The following TAF8 variants were observed in gnomAD, a reference collection of about 807,000 sequenced individuals.
TAF8 encodes transcription initiation factor TFIID subunit 8.
A neutral mutation model predicts 36.5 loss-of-function variants in TAF8; 47 were observed. That is an observed-to-expected ratio of 1.29 (90% CI 1.02 to 1.64). The LOEUF (loss-of-function observed/expected upper bound fraction) is 1.64. Among genes scored for constraint, TAF8 ranks in the 40% most tolerant of loss-of-function variants. The pLI is 0.00. For missense variants in TAF8, 420 were observed against 407.6 expected (o/e 1.03, Z -0.26); for synonymous variants, 175 against 159.5 (o/e 1.10, Z -0.73).
In TAF8 at chr6:42,078,347, CTGTT is replaced by C. The variant is rs1235292387; in HGVS notation, c.*806_*809del. ...GCTGCTGTGCTTATTACAAGGAAGA[CTGTT>C]TGTCCAGCGTGTATTTCAGGATATC... On this transcript the variant is annotated 3_prime_UTR_variant, in exon 9 of 9. Transcript: ENST00000372977. 2.1e-5 allele frequency: 21 copies of C among 985,304 alleles called. No homozygotes were observed. Among genetic ancestry groups the C allele is most frequent in the Non-Finnish European group, 2.5e-5 (21 of 829,926 alleles). The allele number at this position is 985,304 out of a possible 1,614,324, so 61.0% of individuals were successfully genotyped here.
intron 7 of TAF8, among the ~76,000 whole-genome samples, chr6:42,073,077 A>G (rs923479590): frequency 6.6e-6 from 1 of 152,216 alleles, no homozygotes; most frequent in Admixed American, 6.5e-5. Context: ...GCACCTCTCA[A>G]GGTCTGTTGT....
At chr6:42,055,749 T>C (rs919583379) in intron 3 of TAF8, 120 bp downstream of exon 3, 2 of 856,074 alleles carry the variant, frequency 2.3e-6, no homozygotes, top group African/African-American at 1.7e-5. Flanking sequence ...GCTTTGAGCT[T>C]GAGAGAGTTA....
downstream of TAF8, among the ~76,000 whole-genome samples, chr6:42,086,191 C>G (rs1365225937): frequency 6.6e-6 from 1 of 152,226 alleles, no homozygotes; most frequent in East Asian, 1.9e-4. Flanking sequence ...GCAGCTATTG[C>G]CAAATGCTCT....
chr6:42,086,883 C>G (rs747558856), downstream of TAF8: 181 of 920,764 alleles, frequency 2.0e-4, no homozygotes, highest in Middle Eastern at 4.6e-4. Context: ...GATGCTACCC[C>G]ACAAGCTTGT....
At chr6:42,083,867 G>A (rs75019734), downstream of TAF8, among the ~76,000 whole-genome samples, 5,436 of 152,204 alleles carry the variant, frequency 0.036, 297 homozygotes, top group African/African-American at 0.12. Flanking sequence ...AGTGGCAAGG[G>A]CTGAGTGTGG....
intron 5 of TAF8, among the ~76,000 whole-genome samples, chr6:42,062,994 C>G (rs1765238815): frequency 6.6e-6 from 1 of 152,116 alleles, no homozygotes; most frequent in Admixed American, 6.5e-5. Context: ...CACTAGGGAC[C>G]CACCTTACCT....
intron 7 of TAF8, among the ~76,000 whole-genome samples, chr6:42,076,730 G>A (rs1199675794): frequency 6.6e-6 from 1 of 152,134 alleles, no homozygotes; most frequent in African/African-American, 2.4e-5. Context: ...GTCATGCAGG[G>A]CATCCAGGAT....
intron 5 of TAF8, among the ~76,000 whole-genome samples, chr6:42,064,533 G>A (rs2127456767): frequency 6.6e-6 from 1 of 152,230 alleles, no homozygotes; most frequent in East Asian, 1.9e-4. Context: ...GGGATTACAG[G>A]TGTGAGCCAC....
rs553639895 is a variant in TAF8 at position 42,066,302 on chromosome 6, C to A, written c.490-10C>A. The A allele has an allele frequency of 1.9e-6, 3 of 1,613,390 alleles. No homozygotes were observed. Among genetic ancestry groups the A allele is most frequent in the African/African-American group, 2.7e-5 (2 of 75,062 alleles). On this transcript the variant is annotated splice_polypyrimidine_tract_variant and intron_variant, in intron 5 of 8. Transcript: ENST00000372977. ...GCATCACCCCAGTGTCTTTGCTGCT[C>A]TCTTCGTAGACGTACCGTGAGCCCG...
At chr6:42,065,128 C>T (rs1765317462) in intron 5 of TAF8, among the ~76,000 whole-genome samples, 1 of 151,890 alleles carries the variant, frequency 6.6e-6, no homozygotes, top group South Asian at 2.1e-4. Flanking sequence ...GGTGGATCAT[C>T]TGAGGTCAGG....
At chr6:42,050,666 A>G in intron 1 of TAF8, 80 bp downstream of exon 1, 3 of 1,432,178 alleles carry the variant, frequency 2.1e-6, no homozygotes, top group Non-Finnish European at 2.8e-6. Context: ...CAACAAGATA[A>G]TGCCCAGAAA....
chr6:42,065,821 C>T (rs1466958000), intron 5 of TAF8, among the ~76,000 whole-genome samples: 3 of 152,208 alleles, frequency 2.0e-5, no homozygotes, highest in South Asian at 2.1e-4. Context: ...AATGTAGTTA[C>T]ATTGTTTTTC....
At chr6:42,076,076 C>A (rs1039066197) in intron 7 of TAF8, among the ~76,000 whole-genome samples, 1 of 152,070 alleles carries the variant, frequency 6.6e-6, no homozygotes, top group Non-Finnish European at 1.5e-5. Flanking sequence ...GATGTGGTGG[C>A]AGGCACCTGT....
chr6:42,057,544 G>T lies in TAF8; in HGVS notation c.489+31G>T, dbSNP rs1438249648. 4.3e-6 allele frequency: 7 copies of T among 1,613,158 alleles called. No individual in the cohort carries two copies. In the East Asian group the frequency reaches 6.7e-5, roughly 15 times the overall value. On this transcript the variant is annotated intron_variant, in intron 5 of 8. Transcript: ENST00000372977. ...TGATGAAGCACTGGGACTGCGCGTG[G>T]TGTAAAGCACGGAGTCAGTTCCTAC...
Position 42,055,948 on chromosome 6 carries a change from T to C in TAF8, c.302-4T>C, listed in dbSNP as rs771308042. The C allele has an allele frequency of 1.2e-5, 20 of 1,608,554 alleles. No individual in the cohort carries two copies. The South Asian group carries it at 2.2e-4, about 18-fold the overall frequency. ...GCAGTGATTTTTGTTTTCCTGTCTCTTAGGTTTCAATGTGGACACTCTCCC... is the reference window on the plus strand; with the variant it reads ...GCAGTGATTTTTGTTTTCCTGTCTCCTAGGTTTCAATGTGGACACTCTCCC... On this transcript the variant is annotated splice_polypyrimidine_tract_variant and splice_region_variant and intron_variant, in intron 3 of 8. Transcript: ENST00000372977.
chr6:42,075,927 C>T (rs1479225980), intron 7 of TAF8, among the ~76,000 whole-genome samples: 1 of 152,070 alleles, frequency 6.6e-6, no homozygotes, highest in African/African-American at 2.4e-5. Context: ...AACAGTAAAG[C>T]GGCCGGGCGC....
chr6:42,078,857 C>T lies in TAF8; in HGVS notation c.*1312C>T, dbSNP rs909214318. ...GAAAGAGGGGCTACGCGCAGTGGCT[C>T]ACGCCTGTAATCCCAGCACTTCGGG... On this transcript the variant is annotated 3_prime_UTR_variant, in exon 9 of 9. Transcript: ENST00000372977. The T allele has an allele frequency of 1.0e-6, 1 of 985,420 alleles. No homozygotes were observed. Among genetic ancestry groups the T allele is most frequent in the Non-Finnish European group, 1.2e-6 (1 of 829,908 alleles). 61.0% of individuals were successfully genotyped at this position (985,420 alleles called of 1,614,324 possible). A position where few individuals can be genotyped will look rare whatever the true frequency, so the allele number is the denominator to read the frequency against.
At chr6:42,053,718 CAACTT>C (rs1270125189) in intron 2 of TAF8, among the ~76,000 whole-genome samples, 1 of 152,148 alleles carries the variant, frequency 6.6e-6, no homozygotes, top group Admixed American at 6.5e-5. Context: ...AGTCAAATAA[CAACTT>C]AATTTTATTA....
chr6:42,052,685 C>T (rs549115778), intron 2 of TAF8, among the ~76,000 whole-genome samples: 1 of 152,122 alleles, frequency 6.6e-6, no homozygotes, highest in East Asian at 1.9e-4. Flanking sequence ...CTTACAGAGG[C>T]TTTTCTGCAT....
Sources: allele counts gnomAD v4.1 joint callset (sites outside exome capture counted in the v4.1 genomes callset), GRCh38; gene constraint gnomAD v4.1.1; transcripts MANE v1.5; gene names NCBI Gene and HGNC (gene_info 2026-07-23, HGNC 2026-07-21).